PARD3B: variants seen among roughly 807,000 people sequenced by gnomAD.
PARD3B encodes the protein partitioning defective 3 homolog B.
PARD3B carries 103 observed loss-of-function variants against 130.2 expected under a neutral mutation model. The observed-to-expected ratio is 0.79, with a 90% confidence interval of 0.67 to 0.93. The LOEUF (loss-of-function observed/expected upper bound fraction) is 0.93, where lower values mean the gene tolerates loss of function less well. PARD3B is among the 40% of genes least tolerant of loss of function. The pLI, the probability that PARD3B is intolerant of heterozygous loss-of-function variation, is 0.00. For missense variants in PARD3B, 1,609 were observed against 1,499.2 expected, an observed-to-expected ratio of 1.07 and a Z score of -1.21; for synonymous variants, 583 against 553.2, an observed-to-expected ratio of 1.05 and a Z score of -0.76.
At chr2:204,812,033 T>A (rs933226751) in intron 2 of PARD3B, among the ~76,000 whole-genome samples, 2 of 152,162 alleles carry the variant, frequency 1.3e-5, no homozygotes, top group Non-Finnish European at 2.9e-5. Context: ...TTTTAATAAT[T>A]TTTCTCCCAT....
intron 1 of PARD3B, among the ~76,000 whole-genome samples, chr2:204,557,342 A>G (rs927691034): frequency 1.3e-5 from 2 of 152,060 alleles, no homozygotes; most frequent in Admixed American, 6.6e-5. Flanking sequence ...TGGCACCATC[A>G]TTCACTTGGT....
chr2:204,927,500 C>G (rs944866551), intron 2 of PARD3B, among the ~76,000 whole-genome samples: 7 of 152,106 alleles, frequency 4.6e-5, no homozygotes, highest in Non-Finnish European at 1.5e-5. Context: ...TGTTCCTATG[C>G]TACCTGGTTT....
At position 204,998,500 on chromosome 2, in the gene PARD3B, A is replaced by G. The variant is rs1488228875; in HGVS notation, c.394+33177A>G. Among the ~76,000 whole-genome samples, 43 of 108,154 alleles carry G rather than the reference A, an allele frequency of 4.0e-4. 10 individuals carry two copies. The highest frequency in any genetic ancestry group is 1.6e-3 in the African/African-American group (43 of 26,862). 71.0% of individuals were successfully genotyped at this position (108,154 alleles called of 152,430 possible). A position where few individuals can be genotyped will look rare whatever the true frequency, so the allele number is the denominator to read the frequency against. ...ATGTGTATATAATATATGTATATAT[A>G]TGTGTATATATATATGTGTGTGTAT... On this transcript the variant is annotated intron_variant, in intron 3 of 22. Transcript: ENST00000406610.
chr2:205,197,203 T>C (rs11685987), intron 15 of PARD3B, among the ~76,000 whole-genome samples: 4,313 of 152,248 alleles, frequency 0.028, 88 homozygotes, highest in East Asian at 0.083. Flanking sequence ...GATTAAATCA[T>C]TTATTTTTTT....
chr2:204,727,160 G>A (rs1303458228), intron 2 of PARD3B, among the ~76,000 whole-genome samples: 1 of 152,080 alleles, frequency 6.6e-6, no homozygotes, highest in African/African-American at 2.4e-5. Context: ...AGAGCTGATG[G>A]GCCCTGACTT....
rs1296015388 is a variant in PARD3B at position 204,546,114 on chromosome 2, G to A, written c.115G>A (p.Glu39Lys). 2 of 1,554,920 alleles carry A rather than the reference G, an allele frequency of 1.3e-6. No homozygotes were observed. The highest frequency in any genetic ancestry group is 1.4e-5 in the African/African-American group (1 of 73,334). The change falls in exon 1 of 23, where the codon GAG becomes AAG. Residue 39 changes from glutamate to lysine, a missense_variant. Coordinates refer to ENST00000406610, the MANE Select transcript of PARD3B (RefSeq NM_001302769.2). Reference sequence around the variant, plus strand: ...GCTGCAGCGGTACCTGAAGACCCGGGAGAAGGTGAGCGCGGCGCGGAGGAG... The same window carrying A: ...GCTGCAGCGGTACCTGAAGACCCGGAAGAAGGTGAGCGCGGCGCGGAGGAG... ...QALQRYLKTR[E>K]KGPGYWVKIH...
At chr2:205,035,461 G>C (rs1697752366) in intron 3 of PARD3B, among the ~76,000 whole-genome samples, 1 of 151,994 alleles carries the variant, frequency 6.6e-6, no homozygotes, top group African/African-American at 2.4e-5. Context: ...GCTTATAATT[G>C]TATAGATCTG....
intron 20 of PARD3B, among the ~76,000 whole-genome samples, chr2:205,494,313 C>T (rs1246474990): frequency 3.3e-5 from 5 of 152,116 alleles, no homozygotes. Flanking sequence ...TTCCCAGGTC[C>T]CACAGTGGCC....
At chr2:205,588,231 C>T (rs1182430622) in intron 22 of PARD3B, among the ~76,000 whole-genome samples, 1 of 152,132 alleles carries the variant, frequency 6.6e-6, no homozygotes, top group African/African-American at 2.4e-5. Context: ...AAAGCACATT[C>T]TTTTTTAGTA....
chr2:205,477,734 T>G (rs2049076422), intron 20 of PARD3B, among the ~76,000 whole-genome samples: 1 of 152,244 alleles, frequency 6.6e-6, no homozygotes, highest in Non-Finnish European at 1.5e-5. Context: ...AACAATATCT[T>G]GCTTATCGCC....
intron 16 of PARD3B, among the ~76,000 whole-genome samples, chr2:205,247,227 C>A (rs1483787803): frequency 6.6e-6 from 1 of 152,122 alleles, no homozygotes; most frequent in East Asian, 1.9e-4. Context: ...GAAATCAAAT[C>A]TTATTCTAAC....
chr2:205,220,065 A>C (rs2038157007), intron 15 of PARD3B, among the ~76,000 whole-genome samples: 2 of 152,106 alleles, frequency 1.3e-5, no homozygotes, highest in Admixed American at 1.3e-4. Context: ...GATGAATGTA[A>C]ATTCCTGTAT....
intron 18 of PARD3B, among the ~76,000 whole-genome samples, chr2:205,317,531 C>G (rs965427815): frequency 6.6e-6 from 1 of 152,112 alleles, no homozygotes; most frequent in Non-Finnish European, 1.5e-5. Flanking sequence ...ACCAACTCAT[C>G]CCACTTTGAA....
Position 204,628,102 on chromosome 2 carries a change from CT to C in PARD3B, c.121-58078del, listed in dbSNP as rs1343063599. Among the ~76,000 whole-genome samples, 9 of 151,974 alleles carry C rather than the reference CT, an allele frequency of 5.9e-5. No individual in the cohort carries two copies. In the East Asian group the frequency reaches 1.5e-3, roughly 26 times the overall value. ...AGGGAAGCCAAAAGATTGGACACCC[CT>C]GATTTAGATCTTTGTGTATATGTTT... On this transcript the variant is annotated intron_variant, in intron 1 of 22. Coordinates refer to ENST00000406610, the MANE Select transcript of PARD3B (RefSeq NM_001302769.2).
chr2:205,341,093 TAAAAAAA>T lies in PARD3B; in HGVS notation c.2630+39393_2630+39399del, dbSNP rs1297084293. On this transcript the variant is annotated intron_variant, in intron 18 of 22. Coordinates refer to ENST00000406610, the MANE Select transcript of PARD3B (RefSeq NM_001302769.2). This position sits in a 1 kb window ranked among gnomAD's most constrained non-coding sequence, Gnocchi z 4.3. ...TGGCTATGATCAAAAAAATAAAAAA[TAAAAAAA>T]TAAAAAATGCTAAAGAAAAGGGAAC... Among the ~76,000 whole-genome samples the T allele has an allele frequency of 2.6e-5, 4 of 151,620 alleles. No homozygotes were observed. Among genetic ancestry groups the T allele is most frequent in the Non-Finnish European group, 5.9e-5 (4 of 67,830 alleles).
intron 2 of PARD3B, among the ~76,000 whole-genome samples, chr2:204,699,090 C>T (rs1266551322): frequency 6.6e-6 from 1 of 151,952 alleles, no homozygotes; most frequent in Non-Finnish European, 1.5e-5. Flanking sequence ...TCAGTTTTCC[C>T]AAAATTATCT....
Position 205,276,818 on chromosome 2 carries a change from A to G in PARD3B, c.2186-23712A>G, listed in dbSNP as rs1360810785. The stretch of plus-strand genomic sequence containing the variant: ...GATATTGCTGTCAGACCTGGGTTTG[A>G]GTCCTGGCCCCATAGCTGGCTCTCT... On this transcript the variant is annotated intron_variant, in intron 16 of 22. Coordinates refer to ENST00000406610, the MANE Select transcript of PARD3B (RefSeq NM_001302769.2). The surrounding 1 kb of genome is among the most constrained non-coding windows in gnomAD (Gnocchi z 5.0). Among the ~76,000 whole-genome samples, 1 of 152,156 alleles carries G rather than the reference A, an allele frequency of 6.6e-6. No individual in the cohort carries two copies. The highest frequency in any genetic ancestry group is 1.9e-4 in the East Asian group (1 of 5,192).
chr2:204,741,304 A>C (rs1013221885), intron 2 of PARD3B, among the ~76,000 whole-genome samples: 1 of 152,188 alleles, frequency 6.6e-6, no homozygotes, highest in Non-Finnish European at 1.5e-5. Context: ...AAAGGAAAGA[A>C]ATAACTTTTT....
chr2:204,855,306 A>G (rs1438490294), intron 2 of PARD3B, among the ~76,000 whole-genome samples: 1 of 152,078 alleles, frequency 6.6e-6, no homozygotes, highest in African/African-American at 2.4e-5. Context: ...GCACTTTGGG[A>G]GGCCAAGCTG....
Sources: gnomAD v4.1 joint callset for allele counts (sites outside exome capture counted in the v4.1 genomes callset) on GRCh38, gnomAD v4.1.1 for gene constraint, Gnocchi (gnomAD v3.1) non-coding constraint, MANE v1.5 for transcripts, NCBI Gene and HGNC (gene_info 2026-07-23, HGNC 2026-07-21) for gene names.